TANC1: variants seen among roughly 807,000 people sequenced by gnomAD.
TANC1 encodes the protein tetratricopeptide repeat, ankyrin repeat and coiled-coil containing 1.
A neutral mutation model predicts 149.7 loss-of-function variants in TANC1; 77 were observed. The ratio of observed to expected loss-of-function variants is 0.51; its 90% CI spans 0.43 to 0.62. The LOEUF (loss-of-function observed/expected upper bound fraction) is 0.62. Ranked by LOEUF, TANC1 falls within the 20% of genes least tolerant of loss-of-function variation. TANC1 has a pLI of 0.00. For synonymous variants in TANC1, 854 were observed against 925.0 expected, an observed-to-expected ratio of 0.92 and a Z score of 1.39; for missense variants, 1,985 against 2,321.8, an observed-to-expected ratio of 0.85 and a Z score of 2.98.
At chr2:159,047,192 C>G (rs1017205796) in intron 2 of TANC1, among the ~76,000 whole-genome samples, 4 of 149,956 alleles carry the variant, frequency 2.7e-5, no homozygotes, top group African/African-American at 7.3e-5. Context: ...CTCATTTCCC[C>G]CCCCCAGTTA....
chr2:158,969,451 T>C (rs1416096326), intron 1 of TANC1, among the ~76,000 whole-genome samples: 1 of 152,206 alleles, frequency 6.6e-6, no homozygotes, highest in Non-Finnish European at 1.5e-5. Flanking sequence ...GGGGTTTTTC[T>C]TTAGGGGTGG....
intron 1 of TANC1, among the ~76,000 whole-genome samples, chr2:158,997,947 G>T (rs1009059903): frequency 6.6e-6 from 1 of 152,164 alleles, no homozygotes; most frequent in African/African-American, 2.4e-5. Flanking sequence ...GGAGAAACCT[G>T]CCAGCACTAC....
At chr2:158,991,865 A>G (rs903461059) in intron 1 of TANC1, among the ~76,000 whole-genome samples, 14 of 152,222 alleles carry the variant, frequency 9.2e-5, no homozygotes, top group African/African-American at 3.1e-4. Flanking sequence ...GTGTCATAGT[A>G]TTATGCATAA....
chr2:159,227,684 A>T (rs2060097431), intron 24 of TANC1, 135 bp from the exon 25 acceptor site: 1 of 959,720 alleles, frequency 1.0e-6, no homozygotes. Context: ...CCACCTTGAC[A>T]CTTGTTTGGA....
At chr2:159,159,011 G>T (rs2053722295) in intron 7 of TANC1, among the ~76,000 whole-genome samples, 1 of 152,182 alleles carries the variant, frequency 6.6e-6, no homozygotes, top group African/African-American at 2.4e-5. Context: ...CTGGGCTAAT[G>T]CTGTAGTCAG....
rs140251407 is a variant in TANC1, at chr2:159,147,252, C to T, written c.365-1890C>T. On this transcript the variant is annotated intron_variant, in intron 5 of 26. Transcript: ENST00000263635. ...AGACATTCTGGGGCATAATCACAAT[C>T]GGGAGCAGTGTGGAGATTGTTTCGA... Among the ~76,000 whole-genome samples the T allele has an allele frequency of 4.9e-3, 752 of 152,336 alleles. 10 individuals carry two copies. Among genetic ancestry groups the T allele is most frequent in the Middle Eastern group, 0.048 (14 of 294 alleles).
intron 14 of TANC1, among the ~76,000 whole-genome samples, chr2:159,180,176 AGT>A (rs1212380776): frequency 6.6e-6 from 1 of 152,200 alleles, no homozygotes; most frequent in Admixed American, 6.5e-5. Context: ...TATTTTCTTC[AGT>A]AACACTGGCT....
At chr2:158,979,058 A>AT (rs932531932) in intron 1 of TANC1, among the ~76,000 whole-genome samples, 57 of 152,126 alleles carry the variant, frequency 3.7e-4, no homozygotes, top group South Asian at 1.7e-3. Context: ...ATATGATATA[A>AT]TTTTTTTCAG....
At chr2:159,205,201 T>G (rs2058517867) in intron 19 of TANC1, among the ~76,000 whole-genome samples, 1 of 152,238 alleles carries the variant, frequency 6.6e-6, no homozygotes, top group Admixed American at 6.5e-5. Context: ...CTCTTTTGGC[T>G]TCAGTCACAG....
chr2:159,073,325 C>T (rs886680117), intron 3 of TANC1, among the ~76,000 whole-genome samples: 1 of 152,156 alleles, frequency 6.6e-6, no homozygotes, highest in African/African-American at 2.4e-5. Context: ...ATGTAAGGCC[C>T]AAGCTGGTTT....
At chr2:159,022,099 C>T (rs1352876024) in intron 2 of TANC1, among the ~76,000 whole-genome samples, 3 of 152,196 alleles carry the variant, frequency 2.0e-5, no homozygotes, top group South Asian at 4.1e-4. Context: ...TAACTTTACT[C>T]GTTCCCAACA....
At chr2:159,062,973 C>CCAAAAAAA (rs770866772) in intron 2 of TANC1, among the ~76,000 whole-genome samples, 6 of 41,218 alleles carry the variant, frequency 1.5e-4, no homozygotes, top group Admixed American at 2.9e-4. Flanking sequence ...GACTCCGTCT[C>CCAAAAAAA]AAAAAAAAAA....
chr2:159,011,462 G>A (rs1435090766), intron 2 of TANC1, among the ~76,000 whole-genome samples: 1 of 151,674 alleles, frequency 6.6e-6, no homozygotes, highest in Non-Finnish European at 1.5e-5. Context: ...TTCCCTGTCT[G>A]AATTCTGAAC....
At chr2:159,068,865 G>A (rs548686990) in intron 3 of TANC1, among the ~76,000 whole-genome samples, 7 of 152,112 alleles carry the variant, frequency 4.6e-5, no homozygotes, top group Admixed American at 3.3e-4. Context: ...TCAGCCTCCC[G>A]AGTAGTTGGG....
chr2:159,109,269 G>A (rs116780461), intron 4 of TANC1, among the ~76,000 whole-genome samples: 6 of 152,266 alleles, frequency 3.9e-5, no homozygotes, highest in African/African-American at 1.2e-4. Flanking sequence ...TTCATGTCCC[G>A]GCTCTGTAGG....
intron 1 of TANC1, among the ~76,000 whole-genome samples, chr2:158,988,159 A>G (rs1009799914): frequency 6.6e-6 from 1 of 151,654 alleles, no homozygotes; most frequent in Admixed American, 6.6e-5. Context: ...CCCCGTCTCT[A>G]TTAAAAAGTA....
At chr2:158,991,361 G>T (rs2035610642) in intron 1 of TANC1, among the ~76,000 whole-genome samples, 1 of 152,136 alleles carries the variant, frequency 6.6e-6, no homozygotes, top group Non-Finnish European at 1.5e-5. Context: ...GTGGAATGCA[G>T]ATGTTAAAAG....
chr2:159,069,243 G>A (rs973790464), intron 3 of TANC1, among the ~76,000 whole-genome samples: 1 of 152,100 alleles, frequency 6.6e-6, no homozygotes, highest in Admixed American at 6.5e-5. Flanking sequence ...TTTTTAGAGA[G>A]CATATTCACC....
intron 4 of TANC1, among the ~76,000 whole-genome samples, chr2:159,110,917 T>G (rs775028231): frequency 6.6e-6 from 1 of 152,230 alleles, no homozygotes; most frequent in Non-Finnish European, 1.5e-5. Flanking sequence ...TTCGGGGCTT[T>G]GTTCCCTGGG....
Sources: allele counts gnomAD v4.1 joint callset (sites outside exome capture counted in the v4.1 genomes callset), GRCh38; gene constraint gnomAD v4.1.1; transcripts MANE v1.5; gene names NCBI Gene and HGNC (gene_info 2026-07-23, HGNC 2026-07-21).